EPB41L2: variants seen among roughly 807,000 people sequenced by gnomAD.
The protein encoded by EPB41L2 is erythrocyte membrane protein band 4.1 like 2.
A neutral mutation model predicts 113.0 loss-of-function variants in EPB41L2; 43 were observed. The observed-to-expected ratio is 0.38, with a 90% CI of 0.30 to 0.49. The LOEUF (loss-of-function observed/expected upper bound fraction) is 0.49, where lower values mean the gene tolerates loss of function less well. Among genes scored for constraint, EPB41L2 ranks in the 20% least tolerant of loss-of-function variants. The probability of loss-of-function intolerance (pLI) is 0.95; values close to 1 mark genes in which losing one functional copy is unlikely to be tolerated. For missense variants in EPB41L2, 1,147 were observed against 1,223.4 expected (o/e 0.94, Z 0.93); for synonymous variants, 442 against 436.7 (o/e 1.01, Z -0.15).
chr6:131,047,508 T>C (rs1795692868), intron 1 of EPB41L2, among the ~76,000 whole-genome samples: 1 of 152,228 alleles, frequency 6.6e-6, no homozygotes. Context: ...CAAATTAATA[T>C]ATAAAATAAA....
intron 3 of EPB41L2, among the ~76,000 whole-genome samples, chr6:130,942,587 A>AT (rs1049932763): frequency 3.9e-5 from 6 of 152,184 alleles, no homozygotes; most frequent in African/African-American, 1.4e-4. Context: ...GATTTTTTAA[A>AT]TTTTACTGCC....
intron 1 of EPB41L2, among the ~76,000 whole-genome samples, chr6:131,023,756 G>A (rs6906544): frequency 2.2e-5 from 1 of 44,726 alleles, no homozygotes; most frequent in Non-Finnish European, 4.3e-5. Context: ...TCTATATATA[G>A]ATATATAGAT....
chr6:130,955,190 GC>G lies in EPB41L2; in HGVS notation c.619del (p.Ala207HisfsTer16). 1 of 1,614,104 alleles carries G rather than the reference GC, an allele frequency of 6.2e-7. No homozygotes were observed. Among genetic ancestry groups the G allele is most frequent in the Non-Finnish European group, 8.5e-7 (1 of 1,180,012 alleles). Reference protein sequence around the residue: ...VQTNELKAEKASQKVTKKTKT... With the variant: ...VQTNELKAEKXSQKVTKKTKT... ...GGTCTTCTTGGTGACTTTTTGAGAT[GC>G]CTTCTCTGCTTTCAGCTCATTGGTC... is the stretch of plus-strand genomic sequence containing the variant. On this transcript the variant is annotated frameshift_variant, in exon 3 of 20. Coordinates refer to ENST00000337057, the MANE Select transcript of EPB41L2 (RefSeq NM_001431.4). LOFTEE classifies it high-confidence loss of function.
At chr6:130,980,077 G>C (rs1181971587) in intron 1 of EPB41L2, among the ~76,000 whole-genome samples, 1 of 152,158 alleles carries the variant, frequency 6.6e-6, no homozygotes, top group East Asian at 1.9e-4. Flanking sequence ...ATGACCAACA[G>C]GGGCAAGGGC....
chr6:130,859,481 A>G (rs1665674693), intron 18 of EPB41L2, among the ~76,000 whole-genome samples: 1 of 150,680 alleles, frequency 6.6e-6, no homozygotes, highest in South Asian at 2.1e-4. Context: ...ACTGCACTCC[A>G]GCCTGGGCAA....
intron 4 of EPB41L2, among the ~76,000 whole-genome samples, chr6:130,918,421 G>A (rs930139737): frequency 3.3e-5 from 5 of 152,040 alleles, no homozygotes; most frequent in African/African-American, 1.2e-4. Flanking sequence ...TTTAAAGAGA[G>A]TCCAAAACCC....
intron 3 of EPB41L2, among the ~76,000 whole-genome samples, chr6:130,951,763 C>A (rs968162463): frequency 4.6e-5 from 7 of 151,838 alleles, no homozygotes; most frequent in African/African-American, 1.7e-4. Context: ...CAGCCTTGGC[C>A]ATGAGACTTA....
rs773915477 is a variant in EPB41L2 at position 130,894,334 on chromosome 6, C to T, written c.1487+10G>A. The T allele has an allele frequency of 1.2e-5, 19 of 1,612,118 alleles. No homozygotes were observed. The highest frequency in any genetic ancestry group is 1.6e-5 in the Non-Finnish European group (19 of 1,178,542). ...CATGCCCGGCTTCCGAGCTGTTTTCCTAAAATTACCTGTAGAAAGTATGAT... is the reference window on the plus strand; with the variant it reads ...CATGCCCGGCTTCCGAGCTGTTTTCTTAAAATTACCTGTAGAAAGTATGAT... On this transcript the variant is annotated intron_variant, in intron 10 of 19. Transcript: ENST00000337057.
At chr6:130,908,890 T>C in intron 4 of EPB41L2, 27 bp from the exon 5 acceptor site, 2 of 1,547,624 alleles carry the variant, frequency 1.3e-6, no homozygotes, top group Non-Finnish European at 1.8e-6. Flanking sequence ...AATTAATTCA[T>C]AAGAAATATT....
At position 130,962,203 on chromosome 6, in the gene EPB41L2, G is replaced by T. The variant is rs60954662; in HGVS notation, c.-14-5704C>A. Among the ~76,000 whole-genome samples the T allele has an allele frequency of 0.02, 3,035 of 151,606 alleles. 198 individuals are homozygous for T. The East Asian group carries it at 0.27, about 13-fold the overall frequency. On this transcript the variant is annotated intron_variant, in intron 1 of 19. Coordinates refer to ENST00000337057, the MANE Select transcript of EPB41L2 (RefSeq NM_001431.4). ...TCAGCAGCCACCTAACTCTACTTGGGAAATAAAGAGGTGATGCTTCTCAAA... is the reference window on the plus strand; with the variant it reads ...TCAGCAGCCACCTAACTCTACTTGGTAAATAAAGAGGTGATGCTTCTCAAA...
At chr6:130,989,145 A>G (rs900162401) in intron 1 of EPB41L2, among the ~76,000 whole-genome samples, 9 of 152,186 alleles carry the variant, frequency 5.9e-5, no homozygotes, top group African/African-American at 1.7e-4. Flanking sequence ...CAGATCATTC[A>G]TTGAACATTC....
chr6:130,941,414 A>G (rs775600630), intron 3 of EPB41L2, among the ~76,000 whole-genome samples: 2 of 152,274 alleles, frequency 1.3e-5, no homozygotes, highest in African/African-American at 2.4e-5. Flanking sequence ...GCGCACACCA[A>G]ATTTTTTTAA....
chr6:130,917,081 T>C (rs1033829427), intron 4 of EPB41L2, among the ~76,000 whole-genome samples: 7 of 152,120 alleles, frequency 4.6e-5, no homozygotes, highest in Admixed American at 6.5e-5. Context: ...ACCAAAGAAT[T>C]CCAGGTCTTT....
intron 1 of EPB41L2, among the ~76,000 whole-genome samples, chr6:130,969,130 G>A (rs1182654436): frequency 1.3e-5 from 2 of 151,976 alleles, no homozygotes; most frequent in Non-Finnish European, 2.9e-5. Flanking sequence ...GGCTGTCCAG[G>A]TCATCAGCAT....
intron 8 of EPB41L2, among the ~76,000 whole-genome samples, chr6:130,899,168 A>G (rs1795541526): frequency 6.6e-6 from 1 of 152,048 alleles, no homozygotes; most frequent in Admixed American, 6.6e-5. Flanking sequence ...CAGACACAGC[A>G]CTTGGCCTAG....
At chr6:130,947,243 C>G (rs1475573377) in intron 3 of EPB41L2, among the ~76,000 whole-genome samples, 1 of 152,112 alleles carries the variant, frequency 6.6e-6, no homozygotes, top group African/African-American at 2.4e-5. Context: ...CCCTGTAAGC[C>G]AAGCTATCAC....
chr6:130,925,375 G>A (rs1311508302), intron 4 of EPB41L2, among the ~76,000 whole-genome samples: 1 of 151,940 alleles, frequency 6.6e-6, no homozygotes, highest in Non-Finnish European at 1.5e-5. Flanking sequence ...TTTTAGTAAA[G>A]ACGGGGTTTC....
chr6:130,840,063 T>C lies in EPB41L2; in HGVS notation c.*541A>G, dbSNP rs375005688. On this transcript the variant is annotated 3_prime_UTR_variant, in exon 20 of 20. Coordinates refer to ENST00000337057, the MANE Select transcript of EPB41L2 (RefSeq NM_001431.4). ...AATTTTCAAGATGTAAGAAAGGCTT[T>C]TAATCTGTATTAATATTTTCTCATA... The C allele has an allele frequency of 3.9e-5, 6 of 152,346 alleles. No homozygotes were observed. In the South Asian group the frequency reaches 8.3e-4, roughly 21 times the overall value. The allele number at this position is 152,346 out of a possible 1,614,324, so 9.4% of individuals were successfully genotyped here.
chr6:130,856,264 C>T (rs1780186261), intron 19 of EPB41L2, among the ~76,000 whole-genome samples: 1 of 152,120 alleles, frequency 6.6e-6, no homozygotes, highest in Admixed American at 6.5e-5. Context: ...CCCTATTCAA[C>T]TATTTTAATA....
Sources: gnomAD v4.1 joint callset for allele counts (sites outside exome capture counted in the v4.1 genomes callset) on GRCh38, gnomAD v4.1.1 for gene constraint, MANE v1.5 for transcripts, NCBI Gene and HGNC (gene_info 2026-07-23, HGNC 2026-07-21) for gene names.